TRIP11: variants seen among roughly 807,000 people sequenced by gnomAD.
TRIP11 encodes the protein thyroid hormone receptor interactor 11, also known as thyroid receptor-interacting protein 11.
A neutral mutation model predicts 223.1 loss-of-function variants in TRIP11; 148 were observed. The observed-to-expected ratio is 0.66, with a 90% CI of 0.58 to 0.76. The LOEUF (loss-of-function observed/expected upper bound fraction) is 0.76, where lower values mean the gene tolerates loss of function less well. Ranked by LOEUF, TRIP11 falls within the 30% of genes least tolerant of loss-of-function variation. The probability of loss-of-function intolerance (pLI) is 0.00; values close to 1 mark genes in which losing one functional copy is unlikely to be tolerated. For missense variants in TRIP11, 2,043 were observed against 2,222.0 expected, an observed-to-expected ratio of 0.92 and a Z score of 1.62; for synonymous variants, 762 against 772.6, an observed-to-expected ratio of 0.99 and a Z score of 0.23.
rs574607215 is a variant in TRIP11 at position 91,969,423 on chromosome 14, A to G, written c.*250T>C. On this transcript the variant is annotated 3_prime_UTR_variant, in exon 21 of 21. Transcript: ENST00000267622. ...TCTGTATTTTTGTAAATTAAGGTAA[A>G]AGATAAATTAAATGTTCCTAGCTTA... 1 of 495,100 alleles carries G rather than the reference A, an allele frequency of 2.0e-6. No homozygotes were observed. The highest frequency in any genetic ancestry group is 3.6e-6 in the Non-Finnish European group (1 of 275,426). The allele number at this position is 495,100 out of a possible 1,614,324, so 30.7% of individuals were successfully genotyped here. A position where few individuals can be genotyped will look rare whatever the true frequency, so the allele number is the denominator to read the frequency against.
intron 15 of TRIP11, among the ~76,000 whole-genome samples, chr14:91,989,932 C>T (rs931751385): frequency 6.6e-6 from 1 of 152,134 alleles, no homozygotes; most frequent in African/African-American, 2.4e-5. Flanking sequence ...TTCCTGGCTG[C>T]CTGTGGACAA....
intron 1 of TRIP11, among the ~76,000 whole-genome samples, chr14:92,034,180 T>C (rs1179840240): frequency 1.3e-5 from 2 of 152,104 alleles, no homozygotes; most frequent in Non-Finnish European, 2.9e-5. Flanking sequence ...TCCCAGCACT[T>C]TGGGAGGCCA....
At position 91,969,063 on chromosome 14, in the gene TRIP11, T is replaced by G. The variant is rs111671120; in HGVS notation, c.*610A>C. On this transcript the variant is annotated 3_prime_UTR_variant, in exon 21 of 21. Transcript: ENST00000267622. ...GGAGTTTGAGGCCAGCCTGGCAACA[T>G]AGTGAGACCCCATCTCTATTTAAAA... 9.3e-3 allele frequency: 2,078 copies of G among 222,812 alleles called. 49 individuals are homozygous for G. The highest frequency in any genetic ancestry group is 0.041 in the African/African-American group (1,857 of 44,812). The allele number at this position is 222,812 out of a possible 1,614,324, so 13.8% of individuals were successfully genotyped here.
intron 6 of TRIP11, 36 bp from the exon 7 acceptor site, chr14:92,014,613 C>G: frequency 6.3e-7 from 1 of 1,584,046 alleles, no homozygotes; most frequent in Middle Eastern, 2.1e-4. Flanking sequence ...CATCAAATGT[C>G]AAGTACCAAG....
At chr14:92,033,919 T>G (rs975419301) in intron 1 of TRIP11, among the ~76,000 whole-genome samples, 4 of 152,190 alleles carry the variant, frequency 2.6e-5, no homozygotes, top group Non-Finnish European at 5.9e-5. Flanking sequence ...CCTATTTTAG[T>G]GCACCTGAAG....
chr14:92,003,035 G>A (rs28497546), intron 11 of TRIP11, among the ~76,000 whole-genome samples: 5,436 of 152,162 alleles, frequency 0.036, 313 homozygotes, highest in African/African-American at 0.11. Flanking sequence ...AAAGACATAT[G>A]TGTATTTTAC....
chr14:92,029,028 A>G (rs1450919637), intron 2 of TRIP11, among the ~76,000 whole-genome samples: 1 of 152,206 alleles, frequency 6.6e-6, no homozygotes, highest in Non-Finnish European at 1.5e-5. Context: ...CTATCTTACA[A>G]TTACCATAGG....
At chr14:92,025,604 C>T (rs964203636) in intron 2 of TRIP11, among the ~76,000 whole-genome samples, 184 bp from the exon 3 acceptor site, 7 of 151,844 alleles carry the variant, frequency 4.6e-5, no homozygotes, top group African/African-American at 1.7e-4. Context: ...ACTGACCAGC[C>T]GGGCACTGTG....
intron 15 of TRIP11, among the ~76,000 whole-genome samples, chr14:91,992,822 A>T (rs989162090): frequency 6.8e-6 from 1 of 146,676 alleles, no homozygotes; most frequent in Non-Finnish European, 1.5e-5. Context: ...GGCAGGAGAA[A>T]GGCGTGAACC....
In TRIP11 at chr14:92,005,187, A is replaced by G. The variant is rs1273268543; in HGVS notation, c.2789T>C (p.Leu930Pro). 3 of 1,614,036 alleles carry G rather than the reference A, an allele frequency of 1.9e-6. No homozygotes were observed. The highest frequency in any genetic ancestry group is 2.5e-6 in the Non-Finnish European group (3 of 1,180,044). The change falls in exon 11 of 21, where the codon CTT becomes CCT. Residue 930 changes from leucine to proline, a missense_variant. Transcript: ENST00000267622. ...CTTCTTTTGCTCTTGTAAAGACTGAAGTAGTTGCATCTTACTCTGGTTTTG... is the reference window on the plus strand; with the variant it reads ...CTTCTTTTGCTCTTGTAAAGACTGAGGTAGTTGCATCTTACTCTGGTTTTG... The part of the protein sequence containing the change: ...EDQNQSKMQL[L>P]QSLQEQKKEM...
Position 92,025,394 on chromosome 14 carries a change from A to G in TRIP11, c.228T>C (p.Thr76=). The G allele has an allele frequency of 6.2e-7, 1 of 1,613,118 alleles. No homozygotes were observed. The highest frequency in any genetic ancestry group is 1.1e-5 in the South Asian group (1 of 91,052). The change falls in exon 3 of 21, where the codon ACT becomes ACC. Residue 76 remains threonine (T), a synonymous_variant. Coordinates refer to ENST00000267622, the MANE Select transcript of TRIP11 (RefSeq NM_004239.4). ...SENERLKKLC[T]DLEEKHEASE... Reference sequence around the variant, plus strand: ...ATGCTTCATGTTTCTCTTCTAGATCAGTACAAAGTTTCTTAAGCCTTTCAT... The same window carrying G: ...ATGCTTCATGTTTCTCTTCTAGATCGGTACAAAGTTTCTTAAGCCTTTCAT...
chr14:91,992,079 CAA>C (rs3031548), intron 15 of TRIP11, among the ~76,000 whole-genome samples: 1,008 of 59,738 alleles, frequency 0.017, 5 homozygotes, highest in African/African-American at 0.059. Context: ...AACGCCGTCT[CAA>C]AAAAAAAAAA....
At chr14:92,030,065 C>T (rs376317392) in intron 2 of TRIP11, among the ~76,000 whole-genome samples, 3,571 of 151,226 alleles carry the variant, frequency 0.024, 137 homozygotes, top group African/African-American at 0.073. Context: ...GGCGTAGTGG[C>T]GGGCGCCTGT....
intron 15 of TRIP11, among the ~76,000 whole-genome samples, chr14:91,991,386 T>C (rs1255803370): frequency 6.6e-6 from 1 of 152,178 alleles, no homozygotes; most frequent in Non-Finnish European, 1.5e-5. Context: ...CAGTCTGTGG[T>C]ATTCTATTGT....
chr14:92,001,807 T>C (rs1338599763), intron 11 of TRIP11, among the ~76,000 whole-genome samples: 2 of 152,220 alleles, frequency 1.3e-5, no homozygotes, highest in Non-Finnish European at 2.9e-5. Flanking sequence ...TAGTGAACAA[T>C]AGGAAGCTCT....
At chr14:91,998,821 T>A (rs1196140509) in intron 13 of TRIP11, among the ~76,000 whole-genome samples, 1 of 152,244 alleles carries the variant, frequency 6.6e-6, no homozygotes, top group Non-Finnish European at 1.5e-5. Flanking sequence ...GTCTCTACTC[T>A]GCTACTTCCT....
chr14:91,972,667 A>G, intron 20 of TRIP11, 50 bp downstream of exon 20: 1 of 1,560,072 alleles, frequency 6.4e-7, no homozygotes, highest in Non-Finnish European at 8.7e-7. Context: ...ATAATCATAC[A>G]TTAAACATTC....
At chr14:92,012,605 T>C (rs1437311159) in intron 7 of TRIP11, among the ~76,000 whole-genome samples, 1 of 152,112 alleles carries the variant, frequency 6.6e-6, no homozygotes, top group Admixed American at 6.5e-5. Flanking sequence ...ATACCTGCAC[T>C]GAATCAATAT....
At chr14:92,018,309 T>G (rs1471171069) in intron 4 of TRIP11, among the ~76,000 whole-genome samples, 1 of 152,018 alleles carries the variant, frequency 6.6e-6, no homozygotes, top group Non-Finnish European at 1.5e-5. Flanking sequence ...CAGGCTGGTC[T>G]CGAGCTCCTG....
Sources: allele counts gnomAD v4.1 joint callset (sites outside exome capture counted in the v4.1 genomes callset), GRCh38; gene constraint gnomAD v4.1.1; transcripts MANE v1.5; gene names NCBI Gene and HGNC (gene_info 2026-07-23, HGNC 2026-07-21).